The following BEAN1 variants were observed in gnomAD, a reference collection of about 807,000 sequenced individuals.
BEAN1 encodes the protein protein BEAN1.
In BEAN1, 17 loss-of-function variants were observed where a neutral mutation model predicts 17.7. The observed-to-expected ratio is 0.96, with a 90% CI of 0.66 to 1.44. The LOEUF is 1.44. BEAN1 is among the 40% of genes most tolerant of loss of function. BEAN1 has a pLI of 0.00. For missense variants in BEAN1, 359 were observed against 374.1 expected, an observed-to-expected ratio of 0.96 and a Z score of 0.33; for synonymous variants, 142 against 151.8, an observed-to-expected ratio of 0.94 and a Z score of 0.47.
intron 1 of BEAN1, among the ~76,000 whole-genome samples, chr16:66,432,284 G>A (rs1209531343): frequency 3.3e-5 from 5 of 152,088 alleles, no homozygotes; most frequent in African/African-American, 9.7e-5. Context: ...GGGTATCCAC[G>A]CTGGCCAAGG....
At chr16:66,437,497 C>G in intron 1 of BEAN1, 98 bp from the exon 2 acceptor site, 1 of 699,256 alleles carries the variant, frequency 1.4e-6, no homozygotes, top group Non-Finnish European at 2.3e-6. Context: ...CATCCTCTCC[C>G]GCAGAGGTTG....
Position 66,471,116 on chromosome 16 carries a change from T to C in BEAN1, c.289+1251T>C, listed in dbSNP as rs547634288. ...GGAAAAATTTTTAAAATAGATTGAA[T>C]TGGATCCGATCAGCCCTGGCCTTTG... is the stretch of plus-strand genomic sequence containing the variant. On this transcript the variant is annotated intron_variant, in intron 3 of 4. Coordinates refer to ENST00000536005, the MANE Select transcript of BEAN1 (RefSeq NM_001178020.3). This position sits in a 1 kb window ranked among gnomAD's most constrained non-coding sequence, Gnocchi z 4.7. Among the ~76,000 whole-genome samples the C allele has an allele frequency of 6.6e-6, 1 of 152,282 alleles. No homozygotes were observed. The highest frequency in any genetic ancestry group is 2.4e-5 in the African/African-American group (1 of 41,556).
At chr16:66,437,864 C>T (rs1596980018) in intron 2 of BEAN1, 163 bp downstream of exon 2, 9 of 895,670 alleles carry the variant, frequency 1.0e-5, no homozygotes, top group South Asian at 8.5e-5. Context: ...CACGGAAGAC[C>T]CCTGACGTCT....
chr16:66,474,575 AGG>A, intron 3 of BEAN1, among the ~76,000 whole-genome samples: 1 of 46,580 alleles, frequency 2.1e-5, no homozygotes, highest in Non-Finnish European at 3.6e-5. Context: ...GGAGAGAGGG[AGG>A]GAGAGAGGGA....
intron 2 of BEAN1, among the ~76,000 whole-genome samples, chr16:66,450,490 A>G (rs1397749509): frequency 2.6e-5 from 4 of 152,094 alleles, no homozygotes; most frequent in African/African-American, 9.7e-5. Context: ...CCGAAACGGG[A>G]GGATCGCTTG....
At chr16:66,445,727 T>C (rs1321638673) in intron 2 of BEAN1, among the ~76,000 whole-genome samples, 3 of 151,872 alleles carry the variant, frequency 2.0e-5, no homozygotes, top group East Asian at 3.9e-4. Context: ...CCAGAGGCAG[T>C]AGGGACCAGA....
At chr16:66,493,219 G>C (rs1291653812) in exon 5 of BEAN1, 1 of 703,044 alleles carries the variant, frequency 1.4e-6, no homozygotes, top group East Asian at 2.7e-5. Context: ...CCCACAGCAG[G>C]CACAGCTCAG....
Position 66,471,182 on chromosome 16 carries a change from G to C in BEAN1, c.289+1317G>C, listed in dbSNP as rs1963469432. Among the ~76,000 whole-genome samples, 1 of 152,258 alleles carries C rather than the reference G, an allele frequency of 6.6e-6. No individual in the cohort carries two copies. Among genetic ancestry groups the C allele is most frequent in the African/African-American group, 2.4e-5 (1 of 41,466 alleles). ...CTCCCAGACACACCCTGATTAGCCA[G>C]GTTTGGGGTATTTCCTGTCCTTTTT... On this transcript the variant is annotated intron_variant, in intron 3 of 4. Transcript: ENST00000536005. This position sits in a 1 kb window ranked among gnomAD's most constrained non-coding sequence, Gnocchi z 4.7.
In BEAN1 at chr16:66,482,780, T is replaced by C; in HGVS notation, c.*1855T>C. 1 of 438,126 alleles carries C rather than the reference T, an allele frequency of 2.3e-6. No homozygotes were observed. Among genetic ancestry groups the C allele is most frequent in the Non-Finnish European group, 4.5e-6 (1 of 221,360 alleles). The allele number at this position is 438,126 out of a possible 1,614,324, so 27.1% of individuals were successfully genotyped here. A position where few individuals can be genotyped will look rare whatever the true frequency, so the allele number is the denominator to read the frequency against. On this transcript the variant is annotated 3_prime_UTR_variant, in exon 5 of 5. Transcript: ENST00000536005. ...AATAAGCAACAATGTATCTTTTCTG[T>C]GTTCAAAATAAATACATAATATCAA...
chr16:66,449,606 CA>C (rs35721774), intron 2 of BEAN1, among the ~76,000 whole-genome samples: 228 of 83,330 alleles, frequency 2.7e-3, no homozygotes, highest in East Asian at 0.025. Context: ...GACTCCATCT[CA>C]AAAAAAAAAA....
chr16:66,459,104 T>A (rs575499728), intron 2 of BEAN1, among the ~76,000 whole-genome samples: 1 of 152,334 alleles, frequency 6.6e-6, no homozygotes, highest in Non-Finnish European at 1.5e-5. Flanking sequence ...CTCAGCTCTG[T>A]GCTCACCTCT....
chr16:66,492,528 C>A (rs191474480), intron 4 of BEAN1, among the ~76,000 whole-genome samples: 157 of 152,224 alleles, frequency 1.0e-3, no homozygotes, highest in African/African-American at 3.7e-3. Context: ...CAACCTCCAC[C>A]TCCTGGGTTC....
chr16:66,478,767 G>A (rs961539057), intron 4 of BEAN1, among the ~76,000 whole-genome samples: 10 of 152,194 alleles, frequency 6.6e-5, no homozygotes, highest in African/African-American at 1.9e-4. Flanking sequence ...TGAGGAGGAC[G>A]AGGGGAGGGG....
intron 2 of BEAN1, among the ~76,000 whole-genome samples, chr16:66,462,051 T>A (rs1963107476): frequency 6.6e-6 from 1 of 152,220 alleles, no homozygotes; most frequent in Non-Finnish European, 1.5e-5. Context: ...CCTTCTGAAC[T>A]GAACTGGAAA....
chr16:66,468,351 TG>T (rs1169192617), intron 2 of BEAN1, among the ~76,000 whole-genome samples: 1 of 152,242 alleles, frequency 6.6e-6, no homozygotes, highest in African/African-American at 2.4e-5. Context: ...ACATGGGCTC[TG>T]GGAGAACGTG....
At position 66,434,981 on chromosome 16, in the gene BEAN1, C is replaced by T. The variant is rs1961957995; in HGVS notation, c.-82-2614C>T. Among the ~76,000 whole-genome samples, 1 of 152,282 alleles carries T rather than the reference C, an allele frequency of 6.6e-6. No homozygotes were observed. The highest frequency in any genetic ancestry group is 2.1e-4 in the South Asian group (1 of 4,824). ...TAGATCCGGAGTTGTCCTGGAAGGG[C>T]ACCCAGGTGTGACAGAAACACAGCC... On this transcript the variant is annotated intron_variant, in intron 1 of 4. Transcript: ENST00000536005. This position sits in a 1 kb window ranked among gnomAD's most constrained non-coding sequence, Gnocchi z 4.3.
downstream of BEAN1, chr16:66,484,901 T>C (rs562789113): frequency 4.4e-5 from 20 of 454,106 alleles, no homozygotes; most frequent in African/African-American, 4.0e-4. The surrounding 1 kb of genome is among the most constrained non-coding windows in gnomAD (Gnocchi z 4.2). Flanking sequence ...TCCTGCCCCT[T>C]GTGGAGGCCA....
At chr16:66,456,685 C>T (rs1378125473) in intron 2 of BEAN1, among the ~76,000 whole-genome samples, 2 of 152,178 alleles carry the variant, frequency 1.3e-5, no homozygotes, top group Non-Finnish European at 2.9e-5. Flanking sequence ...ATTTGCTCTG[C>T]AGAAATAGGG....
rs746819150 is a variant in BEAN1 at position 66,469,803 on chromosome 16, GCCA to G, written c.240_242del (p.His84del). 3.3e-6 allele frequency: 5 copies of G among 1,513,876 alleles called. No homozygotes were observed. The East Asian group carries it at 7.4e-5, about 22-fold the overall frequency. 93.8% of individuals were successfully genotyped at this position (1,513,876 alleles called of 1,614,324 possible). Reference sequence around the variant, plus strand: ...CAGCGGCACCGCCACCGCCACCACCGCCACCACCACCACCATCATCACCACCGC... The same window carrying G: ...CAGCGGCACCGCCACCGCCACCACCGCCACCACCACCATCATCACCACCGC... On this transcript the variant is annotated inframe_deletion, in exon 3 of 5. Coordinates refer to ENST00000536005, the MANE Select transcript of BEAN1 (RefSeq NM_001178020.3).
Sources: gnomAD v4.1 joint callset for allele counts (sites outside exome capture counted in the v4.1 genomes callset) on GRCh38, gnomAD v4.1.1 for gene constraint, Gnocchi (gnomAD v3.1) non-coding constraint, MANE v1.5 for transcripts, NCBI Gene and HGNC (gene_info 2026-07-23, HGNC 2026-07-21) for gene names.